Variants in PPP1R9A observed in about 807,000 individuals in gnomAD.
The protein encoded by PPP1R9A is protein phosphatase 1 regulatory subunit 9A.
PPP1R9A carries 59 observed loss-of-function variants against 141.9 expected under a neutral mutation model. The observed-to-expected ratio is 0.42, with a 90% CI of 0.34 to 0.52. The LOEUF (loss-of-function observed/expected upper bound fraction) is 0.52, where lower values mean the gene tolerates loss of function less well. PPP1R9A is among the 20% of genes least tolerant of loss of function. The pLI, the probability that PPP1R9A is intolerant of heterozygous loss-of-function variation, is 0.10. For synonymous variants in PPP1R9A, 500 were observed against 569.7 expected (o/e 0.88, Z 1.74); for missense variants, 1,444 against 1,611.9 (o/e 0.90, Z 1.78).
At chr7:95,033,446 G>A (rs1165553415) in intron 2 of PPP1R9A, among the ~76,000 whole-genome samples, 1 of 152,052 alleles carries the variant, frequency 6.6e-6, no homozygotes, top group African/African-American at 2.4e-5. Context: ...ATGGGTCACA[G>A]TGTCCTGTCT....
At chr7:94,989,640 G>C (rs146542127) in intron 2 of PPP1R9A, among the ~76,000 whole-genome samples, 1 of 152,012 alleles carries the variant, frequency 6.6e-6, no homozygotes, top group Non-Finnish European at 1.5e-5. Flanking sequence ...TTTCCTTACA[G>C]TGGCTTTTTA....
Position 95,121,017 on chromosome 7 carries a change from T to A in PPP1R9A, c.1649+185T>A, listed in dbSNP as rs372750803. Among the ~76,000 whole-genome samples, 12 of 152,336 alleles carry A rather than the reference T, an allele frequency of 7.9e-5. 1 individual carries two copies. The South Asian group carries it at 2.3e-3, about 29-fold the overall frequency. On this transcript the variant is annotated intron_variant, in intron 4 of 19. Coordinates refer to ENST00000433360, the MANE Select transcript of PPP1R9A (RefSeq NM_001166160.2). ...ATGCAGGCAAAATATCTGCTTTCTT[T>A]AATATATATTAGGTAAATGAGTGGG...
At chr7:94,928,645 A>C (rs894909780) in intron 2 of PPP1R9A, among the ~76,000 whole-genome samples, 7 of 152,182 alleles carry the variant, frequency 4.6e-5, no homozygotes, top group Non-Finnish European at 7.3e-5. Flanking sequence ...GGTTGTGTAC[A>C]TTCCTAAACC....
At chr7:95,264,299 A>T (rs1353438863) in intron 12 of PPP1R9A, among the ~76,000 whole-genome samples, 2 of 152,212 alleles carry the variant, frequency 1.3e-5, no homozygotes, top group African/African-American at 2.4e-5. Context: ...TGATGGCATG[A>T]AGTATGGCTG....
chr7:95,220,171 G>A (rs1009660183), intron 7 of PPP1R9A, among the ~76,000 whole-genome samples: 2 of 152,026 alleles, frequency 1.3e-5, no homozygotes, highest in Admixed American at 6.6e-5. Flanking sequence ...GAGATGCTTC[G>A]GCAGAGAGAG....
At chr7:95,125,880 G>C (rs1228864126) in intron 4 of PPP1R9A, among the ~76,000 whole-genome samples, 1 of 151,854 alleles carries the variant, frequency 6.6e-6, no homozygotes, top group Non-Finnish European at 1.5e-5. Context: ...AGATTAAAGA[G>C]TCCTATTCTT....
intron 8 of PPP1R9A, among the ~76,000 whole-genome samples, chr7:95,245,366 G>T (rs533504419): frequency 9.8e-4 from 149 of 152,254 alleles, no homozygotes; most frequent in African/African-American, 3.4e-3. Context: ...AGTGGCAATG[G>T]ATCAGAACGA....
chr7:95,181,496 A>AAT (rs1230216082), intron 5 of PPP1R9A, among the ~76,000 whole-genome samples: 2 of 137,890 alleles, frequency 1.5e-5, no homozygotes, highest in East Asian at 4.1e-4. Flanking sequence ...ATATATATAG[A>AAT]ATATATATAG....
intron 16 of PPP1R9A, among the ~76,000 whole-genome samples, chr7:95,283,699 A>AT (rs757756567): frequency 2.0e-5 from 3 of 152,322 alleles, no homozygotes; most frequent in Admixed American, 6.5e-5. Flanking sequence ...TGCAGTGATG[A>AT]TTAACCTAAT....
At chr7:94,939,664 T>C (rs1795117354) in intron 2 of PPP1R9A, among the ~76,000 whole-genome samples, 1 of 151,920 alleles carries the variant, frequency 6.6e-6, no homozygotes, top group South Asian at 2.1e-4. Context: ...TTTTTGAACA[T>C]ACACTATGTA....
chr7:95,199,651 A>G (rs1056451231), intron 6 of PPP1R9A, among the ~76,000 whole-genome samples: 2 of 152,178 alleles, frequency 1.3e-5, no homozygotes, highest in African/African-American at 2.4e-5. Flanking sequence ...AAATGAATGA[A>G]TTAGACTCTT....
chr7:95,178,783 T>C (rs1005989416), intron 5 of PPP1R9A, among the ~76,000 whole-genome samples: 3 of 152,112 alleles, frequency 2.0e-5, no homozygotes, highest in East Asian at 1.9e-4. Context: ...CTAGAAGAGA[T>C]GGATAAATTC....
intron 2 of PPP1R9A, among the ~76,000 whole-genome samples, chr7:95,100,365 C>G (rs556497092): frequency 6.6e-6 from 1 of 152,082 alleles, no homozygotes; most frequent in Non-Finnish European, 1.5e-5. Context: ...TTATCATGGA[C>G]TTTTGTATAT....
chr7:95,033,954 T>C (rs1265150728), intron 2 of PPP1R9A, among the ~76,000 whole-genome samples: 1 of 152,172 alleles, frequency 6.6e-6, no homozygotes, highest in African/African-American at 2.4e-5. Context: ...CTCATAAAGT[T>C]CTTACACATT....
At chr7:95,124,454 T>TCA (rs1823195415) in intron 4 of PPP1R9A, among the ~76,000 whole-genome samples, 1 of 152,148 alleles carries the variant, frequency 6.6e-6, no homozygotes, top group Non-Finnish European at 1.5e-5. Flanking sequence ...GTTGAATGGC[T>TCA]CTAGTGTATG....
At chr7:94,954,164 T>C (rs1563041445) in intron 2 of PPP1R9A, among the ~76,000 whole-genome samples, 1 of 152,050 alleles carries the variant, frequency 6.6e-6, no homozygotes, top group Admixed American at 6.6e-5. Context: ...ATTTTCAGCC[T>C]TTTTTTCTAA....
At chr7:95,070,593 G>GTATATATATATATATATATATATGTATA (rs71961632) in intron 2 of PPP1R9A, among the ~76,000 whole-genome samples, 1 of 111,938 alleles carries the variant, frequency 8.9e-6, no homozygotes, top group African/African-American at 3.6e-5. Flanking sequence ...TAAATCTCTG[G>GTATATATATATATATATATATATGTATA]TATATATATA....
intron 5 of PPP1R9A, among the ~76,000 whole-genome samples, chr7:95,181,273 AATAT>A (rs1251925154): frequency 7.0e-6 from 1 of 142,742 alleles, no homozygotes; most frequent in Non-Finnish European, 1.5e-5. Flanking sequence ...ATATAGGGAG[AATAT>A]ATATTCCATC....
At chr7:95,115,575 A>C (rs563396437) in intron 3 of PPP1R9A, among the ~76,000 whole-genome samples, 246 of 152,296 alleles carry the variant, frequency 1.6e-3, no homozygotes, top group Non-Finnish European at 3.0e-3. Flanking sequence ...ACAATTGTGA[A>C]TATATATTTT....
Sources: allele counts gnomAD v4.1 joint callset (sites outside exome capture counted in the v4.1 genomes callset), GRCh38; gene constraint gnomAD v4.1.1; transcripts MANE v1.5; gene names NCBI Gene and HGNC (gene_info 2026-07-23, HGNC 2026-07-21).